MGAT4A: variants seen among roughly 807,000 people sequenced by gnomAD.
MGAT4A encodes N-acetylglucosaminyltransferase IVa.
In MGAT4A, 33 loss-of-function variants were observed where a neutral mutation model predicts 74.1. The observed-to-expected ratio is 0.45, with a 90% CI of 0.34 to 0.60. The LOEUF is 0.60. Ranked by LOEUF, MGAT4A falls within the 20% of genes least tolerant of loss-of-function variation. MGAT4A has a pLI of 0.02. For missense variants in MGAT4A, 479 were observed against 628.3 expected (o/e 0.76, Z 2.54); for synonymous variants, 198 against 210.4 (o/e 0.94, Z 0.51).
intron 2 of MGAT4A, among the ~76,000 whole-genome samples, chr2:98,704,296 C>A (rs1233096259): frequency 6.6e-6 from 1 of 152,210 alleles, no homozygotes; most frequent in Non-Finnish European, 1.5e-5. Context: ...TCTGTAATCC[C>A]AGCACTTTGG....
At position 98,620,191 on chromosome 2, in the gene MGAT4A, C is replaced by A. The variant is rs185354913; in HGVS notation, c.*5375G>T. 1 of 152,232 alleles carries A rather than the reference C, an allele frequency of 6.6e-6. No homozygotes were observed. The highest frequency in any genetic ancestry group is 1.9e-4 in the East Asian group (1 of 5,184). The allele number at this position is 152,232 out of a possible 1,614,324, so 9.4% of individuals were successfully genotyped here. A position where few individuals can be genotyped will look rare whatever the true frequency, so the allele number is the denominator to read the frequency against. On this transcript the variant is annotated 3_prime_UTR_variant, in exon 16 of 16. Transcript: ENST00000393487. ...AGTTTGGTTGGGTCTTTAAAAAATA[C>A]CTTTTTAGCATTGTATGATCACATG...
At chr2:98,649,776 G>A (rs187223435) in intron 8 of MGAT4A, among the ~76,000 whole-genome samples, 2 of 152,250 alleles carry the variant, frequency 1.3e-5, no homozygotes, top group Admixed American at 6.5e-5. Flanking sequence ...TAACTAGGCT[G>A]ACTGAAGAAA....
chr2:98,626,557 T>C (rs1043513640), intron 14 of MGAT4A, among the ~76,000 whole-genome samples: 2 of 152,132 alleles, frequency 1.3e-5, no homozygotes, highest in Non-Finnish European at 2.9e-5. Context: ...TGGTAAACTT[T>C]TTCTATAAAG....
At position 98,635,261 on chromosome 2, in the gene MGAT4A, T is replaced by G. The variant is rs2104225613; in HGVS notation, c.1429A>C (p.Thr477Pro). The stretch of plus-strand genomic sequence containing the variant: ...CCATCTTCTAATCGTTTGTCTTTGG[T>G]TTCTTTGCTTATTTCCAAACCTTCA... ...KSEGLEISKETKDKRLEDGYF... is the reference protein window; with the variant it reads ...KSEGLEISKEPKDKRLEDGYF... Residue 477 changes from threonine (T) to proline (P), a missense_variant, in exon 14 of 16, where the codon ACC (threonine) becomes CCC (proline). Around this residue, in one of 3 missense-constraint regions of MGAT4A, gnomAD observed 236 missense variants for 308.2 expected, o/e 0.77. Coordinates refer to ENST00000393487, the MANE Select transcript of MGAT4A (RefSeq NM_012214.3). The G allele has an allele frequency of 6.2e-7, 1 of 1,609,200 alleles. No individual in the cohort carries two copies. The highest frequency in any genetic ancestry group is 8.5e-7 in the Non-Finnish European group (1 of 1,177,422).
intron 2 of MGAT4A, among the ~76,000 whole-genome samples, chr2:98,701,255 T>C (rs1341255624): frequency 6.6e-6 from 1 of 152,218 alleles, no homozygotes; most frequent in East Asian, 1.9e-4. Context: ...TTCATCCTAT[T>C]AGGTAAGGCT....
chr2:98,663,155 G>T lies in MGAT4A; in HGVS notation c.428C>A (p.Thr143Lys). The T allele has an allele frequency of 6.3e-7, 1 of 1,598,798 alleles. No individual in the cohort carries two copies. Among genetic ancestry groups the T allele is most frequent in the Non-Finnish European group, 8.5e-7 (1 of 1,171,360 alleles). Reference sequence around the variant, plus strand: ...GTAAGATTTAACTTCTCTCTTCACTGTGGGAATGCCCATGACTATTGAAAC... The same window carrying T: ...GTAAGATTTAACTTCTCTCTTCACTTTGGGAATGCCCATGACTATTGAAAC... ...TGVSIVMGIP[T>K]VKREVKSYLI... Residue 143 changes from threonine to lysine, a missense_variant, in exon 5 of 16, where the codon ACA becomes AAA. Thr to Lys is a moderately conservative substitution (Grantham distance 78). This residue lies in a region of MGAT4A where 205 missense variants were observed against 232.7 expected (regional missense o/e 0.88). Coordinates refer to ENST00000393487, the MANE Select transcript of MGAT4A (RefSeq NM_012214.3).
chr2:98,702,662 C>T (rs1442647118), intron 2 of MGAT4A, among the ~76,000 whole-genome samples: 2 of 152,212 alleles, frequency 1.3e-5, no homozygotes, highest in Admixed American at 1.3e-4. Flanking sequence ...CCAACAGGTC[C>T]TGAGCAGAGA....
At chr2:98,654,027 C>T (rs1025855841) in intron 8 of MGAT4A, among the ~76,000 whole-genome samples, 2 of 151,954 alleles carry the variant, frequency 1.3e-5, no homozygotes, top group African/African-American at 4.8e-5. Context: ...ATCAGTGTAA[C>T]ATATACTACA....
intron 2 of MGAT4A, among the ~76,000 whole-genome samples, chr2:98,693,476 C>T (rs1702220065): frequency 6.6e-6 from 1 of 152,000 alleles, no homozygotes; most frequent in African/African-American, 2.4e-5. Context: ...ATGTGGTTCT[C>T]AATGTAAAAG....
At chr2:98,685,344 G>T (rs1222586017) in intron 2 of MGAT4A, among the ~76,000 whole-genome samples, 1 of 151,932 alleles carries the variant, frequency 6.6e-6, no homozygotes, top group Non-Finnish European at 1.5e-5. Context: ...AATGAGGAAG[G>T]TTTTTAGTAA....
In MGAT4A at chr2:98,623,368, G is replaced by A. The variant is rs1362692259; in HGVS notation, c.*2198C>T. ...CTCCTCCCTAGATTTTCAGAGCATGGTCTTTCTTCATGAAACCAGAGTTGG... is the reference window on the plus strand; with the variant it reads ...CTCCTCCCTAGATTTTCAGAGCATGATCTTTCTTCATGAAACCAGAGTTGG... On this transcript the variant is annotated 3_prime_UTR_variant, in exon 16 of 16. Coordinates refer to ENST00000393487, the MANE Select transcript of MGAT4A (RefSeq NM_012214.3). 2 of 985,296 alleles carry A rather than the reference G, an allele frequency of 2.0e-6. No homozygotes were observed. The highest frequency in any genetic ancestry group is 2.4e-6 in the Non-Finnish European group (2 of 829,946). The allele number at this position is 985,296 out of a possible 1,614,324, so 61.0% of individuals were successfully genotyped here. A position where few individuals can be genotyped will look rare whatever the true frequency, so the allele number is the denominator to read the frequency against.
At chr2:98,649,556 T>TG (rs1701547674) in intron 8 of MGAT4A, among the ~76,000 whole-genome samples, 1 of 152,032 alleles carries the variant, frequency 6.6e-6, no homozygotes, top group South Asian at 2.1e-4. Context: ...GGTTGGGAGC[T>TG]AAGAACAAAG....
intron 2 of MGAT4A, among the ~76,000 whole-genome samples, chr2:98,717,309 G>A (rs1225818378): frequency 6.6e-6 from 1 of 151,692 alleles, no homozygotes; most frequent in African/African-American, 2.4e-5. Flanking sequence ...AACGTGGGAG[G>A]TGGAGGTTAC....
intron 4 of MGAT4A, among the ~76,000 whole-genome samples, chr2:98,670,327 A>G (rs1559164891): frequency 6.6e-6 from 1 of 152,184 alleles, no homozygotes; most frequent in Non-Finnish European, 1.5e-5. Context: ...TTCAAGCAGT[A>G]ATTGTGCATA....
At chr2:98,701,541 T>C (rs1029854007) in intron 2 of MGAT4A, among the ~76,000 whole-genome samples, 3 of 152,226 alleles carry the variant, frequency 2.0e-5, no homozygotes, top group Non-Finnish European at 2.9e-5. Context: ...AGACAACCTC[T>C]GAGCACAGCA....
intron 14 of MGAT4A, among the ~76,000 whole-genome samples, chr2:98,630,307 T>C (rs975991018): frequency 4.6e-5 from 7 of 152,126 alleles, no homozygotes; most frequent in East Asian, 1.9e-4. Context: ...AATCTCACAA[T>C]TGTGAGGGGG....
Position 98,639,910 on chromosome 2 carries a change from G to A in MGAT4A, c.1220C>T (p.Thr407Met), listed in dbSNP as rs1020293434. The A allele has an allele frequency of 4.3e-6, 7 of 1,613,980 alleles. No homozygotes were observed. The highest frequency in any genetic ancestry group is 1.3e-5 in the African/African-American group (1 of 74,920). ...STSLKVYQGH[T>M]LEKTYMGEDF... ...CTCTCCCATGTAAGTTTTCTCCAGC[G>A]TATGCCCTTGGTAGACCTTCAAGGA... Residue 407 changes from threonine (T) to methionine (M), a missense_variant, in exon 12 of 16, where the codon ACG (threonine) becomes ATG (methionine). Transcript: ENST00000393487.
chr2:98,681,224 G>A (rs966959565), intron 2 of MGAT4A, among the ~76,000 whole-genome samples: 1 of 151,960 alleles, frequency 6.6e-6, no homozygotes, highest in Non-Finnish European at 1.5e-5. Flanking sequence ...CTTGTGATCC[G>A]CCCGCCTCAG....
intron 2 of MGAT4A, among the ~76,000 whole-genome samples, chr2:98,722,334 A>G (rs1314239140): frequency 6.6e-6 from 1 of 152,238 alleles, no homozygotes; most frequent in South Asian, 2.1e-4. Flanking sequence ...GAGGAAGCAC[A>G]CATCCTTTCT....
Sources: allele counts gnomAD v4.1 joint callset (sites outside exome capture counted in the v4.1 genomes callset), GRCh38; gene constraint gnomAD v4.1.1; regional missense constraint gnomAD v4.1.1; transcripts MANE v1.5; gene names NCBI Gene and HGNC (gene_info 2026-07-23, HGNC 2026-07-21).